The following AP2B1 variants were observed in gnomAD, a reference collection of about 807,000 sequenced individuals.
AP2B1 encodes AP-2 complex subunit beta.
AP2B1 carries 23 observed loss-of-function variants against 102.0 expected under a neutral mutation model. The ratio of observed to expected loss-of-function variants is 0.23; its 90% CI spans 0.16 to 0.32. AP2B1 has a LOEUF of 0.32. Among genes scored for constraint, AP2B1 ranks in the 10% least tolerant of loss-of-function variants. The pLI, the probability that AP2B1 is intolerant of heterozygous loss-of-function variation, is 1.00. For synonymous variants in AP2B1, 381 were observed against 421.2 expected (o/e 0.90, Z 1.17); for missense variants, 541 against 1,157.4 (o/e 0.47, Z 7.73).
At chr17:35,717,879 A>G (rs2143011985) in intron 21 of AP2B1, among the ~76,000 whole-genome samples, 1 of 152,306 alleles carries the variant, frequency 6.6e-6, no homozygotes, top group South Asian at 2.1e-4. Flanking sequence ...AGTTTGGGAA[A>G]TTTCCTTCAG....
intron 12 of AP2B1, among the ~76,000 whole-genome samples, chr17:35,642,599 C>A (rs1424207170): frequency 8.5e-5 from 13 of 152,102 alleles, no homozygotes; most frequent in African/African-American, 3.1e-4. Context: ...GATCATCAGT[C>A]CATTGATGAT....
chr17:35,682,510 T>C (rs1598276064), intron 17 of AP2B1, among the ~76,000 whole-genome samples, 185 bp from the exon 18 acceptor site: 1 of 150,310 alleles, frequency 6.7e-6, no homozygotes, highest in Admixed American at 6.6e-5. Flanking sequence ...GCCCGGCTAA[T>C]GTTTTGTATT....
intron 21 of AP2B1, among the ~76,000 whole-genome samples, chr17:35,719,790 G>A (rs2085301401): frequency 6.6e-6 from 1 of 152,182 alleles, no homozygotes; most frequent in Admixed American, 6.5e-5. Flanking sequence ...GAGGACAGGA[G>A]TTCAAGACCA....
chr17:35,670,660 C>G (rs1464675500), intron 14 of AP2B1, among the ~76,000 whole-genome samples, 197 bp from the exon 15 acceptor site: 1 of 152,174 alleles, frequency 6.6e-6, no homozygotes, highest in Non-Finnish European at 1.5e-5. Flanking sequence ...CAAACTGATA[C>G]ACCATCACTA....
intron 14 of AP2B1, among the ~76,000 whole-genome samples, chr17:35,667,166 A>G (rs1228676621): frequency 2.6e-5 from 4 of 152,128 alleles, no homozygotes; most frequent in Admixed American, 6.5e-5. Context: ...ACATCTCCCT[A>G]TTAGTCACTC....
intron 5 of AP2B1, among the ~76,000 whole-genome samples, chr17:35,614,526 CCTTTGGTTTACTGCG>C (rs1188124276): frequency 1.3e-5 from 2 of 151,914 alleles, no homozygotes; most frequent in Non-Finnish European, 2.9e-5. Context: ...CTCGTAAGTC[CCTTTGGTTTACTGCG>C]TAGCCCCTTT....
intron 4 of AP2B1, 147 bp downstream of exon 4, chr17:35,605,987 A>T: frequency 7.6e-7 from 1 of 1,324,176 alleles, no homozygotes; most frequent in Non-Finnish European, 1.0e-6. Context: ...TCATCCAGGG[A>T]AATTCAAACC....
rs1388946654 is a variant in AP2B1 at position 35,615,239 on chromosome 17, G to T, written c.525+6852G>T. On this transcript the variant is annotated intron_variant, in intron 5 of 21. Transcript: ENST00000610402. Reference sequence around the variant, plus strand: ...AACAAGTTATTTAAAATGAACTTCAGTTGTCTTATATGTAAAACTGAGGTA... The same window carrying T: ...AACAAGTTATTTAAAATGAACTTCATTTGTCTTATATGTAAAACTGAGGTA... 2.0e-5 allele frequency among the ~76,000 whole-genome samples: 3 copies of T among 152,154 alleles called. No homozygotes were observed. The East Asian group carries it at 5.8e-4, about 29-fold the overall frequency.
At chr17:35,634,604 T>C (rs901415102) in intron 9 of AP2B1, among the ~76,000 whole-genome samples, 2 of 152,212 alleles carry the variant, frequency 1.3e-5, no homozygotes, top group Non-Finnish European at 2.9e-5. Context: ...TAAAACTCCA[T>C]TTTATAGATT....
chr17:35,642,109 A>G (rs557025831), intron 12 of AP2B1, 134 bp downstream of exon 12: 93 of 576,976 alleles, frequency 1.6e-4, no homozygotes, highest in South Asian at 3.4e-4. Context: ...CTGTTAAAAT[A>G]TTAAAACAAT....
At chr17:35,624,650 G>A in intron 6 of AP2B1, 63 bp downstream of exon 6, 1 of 1,482,758 alleles carries the variant, frequency 6.7e-7, no homozygotes, top group Non-Finnish European at 9.1e-7. Flanking sequence ...TCTGGAGTCT[G>A]CTATTAGAAT....
At chr17:35,621,234 A>C in intron 5 of AP2B1, 1 of 835,488 alleles carries the variant, frequency 1.2e-6, no homozygotes, top group South Asian at 5.5e-5. Context: ...CTAGCCACCC[A>C]GTTGCTGTCT....
chr17:35,691,650 A>G (rs1230162478), intron 18 of AP2B1, among the ~76,000 whole-genome samples: 5 of 152,240 alleles, frequency 3.3e-5, no homozygotes, highest in Admixed American at 6.5e-5. Context: ...TTCGGAAACT[A>G]TATAGCGATT....
chr17:35,717,419 G>A, intron 21 of AP2B1, 70 bp downstream of exon 21: 1 of 1,564,880 alleles, frequency 6.4e-7, no homozygotes, highest in South Asian at 1.1e-5. Flanking sequence ...TGTTTACTTA[G>A]CACCCTAGAA....
intron 14 of AP2B1, among the ~76,000 whole-genome samples, chr17:35,669,284 C>T (rs2075537618): frequency 6.6e-6 from 1 of 152,022 alleles, no homozygotes; most frequent in Non-Finnish European, 1.5e-5. Context: ...GCTGGGATTA[C>T]AGGCGCCTGC....
chr17:35,622,971 T>C (rs1371772160), intron 5 of AP2B1, among the ~76,000 whole-genome samples: 2 of 152,178 alleles, frequency 1.3e-5, no homozygotes, highest in Non-Finnish European at 2.9e-5. Flanking sequence ...AGCCAACTTA[T>C]ACTTGGAGAG....
intron 16 of AP2B1, among the ~76,000 whole-genome samples, chr17:35,673,631 T>A (rs2075637926): frequency 6.6e-6 from 1 of 152,192 alleles, no homozygotes; most frequent in Non-Finnish European, 1.5e-5. Context: ...TATTTACTAT[T>A]TACCACAAAC....
rs540732096 is a variant in AP2B1, at chr17:35,633,523, G to A, written c.1156-2818G>A. ...AAAGATCTTATTACAGAAATTTTCA[G>A]GTGTACAATAAAGTAAAACTGAATA... On this transcript the variant is annotated intron_variant, in intron 9 of 21. Transcript: ENST00000610402. 3.9e-5 allele frequency among the ~76,000 whole-genome samples: 6 copies of A among 152,198 alleles called. No individual in the cohort carries two copies. In the East Asian group the frequency reaches 9.6e-4, roughly 24 times the overall value.
At chr17:35,672,812 G>C (rs894755829) in intron 16 of AP2B1, among the ~76,000 whole-genome samples, 10 of 152,102 alleles carry the variant, frequency 6.6e-5, no homozygotes, top group African/African-American at 2.4e-4. Context: ...AATGACCAAC[G>C]TAAATAATGT....
Sources: gnomAD v4.1 joint callset for allele counts (sites outside exome capture counted in the v4.1 genomes callset) on GRCh38, gnomAD v4.1.1 for gene constraint, MANE v1.5 for transcripts, NCBI Gene and HGNC (gene_info 2026-07-23, HGNC 2026-07-21) for gene names.